Variants in RAD51B observed in about 807,000 individuals in gnomAD.
RAD51B encodes RAD51 paralog B.
RAD51B carries 38 observed loss-of-function variants against 42.2 expected under a neutral mutation model. That is an observed-to-expected ratio of 0.90 (90% CI 0.70 to 1.18). The LOEUF is 1.18. Ranked by LOEUF, RAD51B falls within the 50% of genes most tolerant of loss-of-function variation. The pLI is 0.00. For synonymous variants in RAD51B, 154 were observed against 145.2 expected, an observed-to-expected ratio of 1.06 and a Z score of -0.43; for missense variants, 373 against 400.7, an observed-to-expected ratio of 0.93 and a Z score of 0.59.
At chr14:68,133,598 A>AGTAGCTGG (rs1400304804) in intron 7 of RAD51B, among the ~76,000 whole-genome samples, 1 of 152,072 alleles carries the variant, frequency 6.6e-6, no homozygotes, top group African/African-American at 2.4e-5. Context: ...CGGCCTCCTG[A>AGTAGCTGG]GTAGCTGGGA....
At chr14:68,541,756 C>A in intron 10 of RAD51B, 1 of 985,376 alleles carries the variant, frequency 1.0e-6, no homozygotes, top group Non-Finnish European at 1.2e-6. Flanking sequence ...GTATTTAAAA[C>A]TTTTGTTTCA....
intron 8 of RAD51B, among the ~76,000 whole-genome samples, chr14:68,312,214 C>T (rs950251556): frequency 6.6e-6 from 1 of 152,138 alleles, no homozygotes; most frequent in African/African-American, 2.4e-5. Flanking sequence ...AAGATTGGCT[C>T]AGCCTGCACT....
chr14:68,334,948 A>C (rs74735328), intron 8 of RAD51B, among the ~76,000 whole-genome samples: 1 of 78,882 alleles, frequency 1.3e-5, no homozygotes, highest in African/African-American at 3.8e-5. Context: ...TATAAGTATT[A>C]TATATGTTTT....
intron 10 of RAD51B, among the ~76,000 whole-genome samples, chr14:68,601,615 T>G (rs1028720977): frequency 2.6e-5 from 4 of 152,164 alleles, no homozygotes; most frequent in Non-Finnish European, 5.9e-5. Flanking sequence ...GTTTCATTCT[T>G]CATTCAGATC....
chr14:68,414,859 T>TAAAAA (rs33968049), intron 9 of RAD51B, among the ~76,000 whole-genome samples: 2 of 71,222 alleles, frequency 2.8e-5, no homozygotes, highest in Non-Finnish European at 5.3e-5. Flanking sequence ...CCATCTCTAC[T>TAAAAA]AAAAAAAAAA....
intron 7 of RAD51B, among the ~76,000 whole-genome samples, chr14:68,235,138 C>T (rs949230169): frequency 5.3e-5 from 8 of 151,856 alleles, no homozygotes; most frequent in South Asian, 2.1e-4. Context: ...TATTATGTGC[C>T]GTACATTATT....
chr14:67,927,567 A>T lies in RAD51B; in HGVS notation c.756+40363A>T, dbSNP rs74246596. On this transcript the variant is annotated intron_variant, in intron 7 of 10. Transcript: ENST00000471583. Reference sequence around the variant, plus strand: ...TGAGATGAAGTTTTTTAGCTCCCACATGTGAATGAGAACGTGTGGTATTTG... The same window carrying T: ...TGAGATGAAGTTTTTTAGCTCCCACTTGTGAATGAGAACGTGTGGTATTTG... Among the ~76,000 whole-genome samples, 894 of 152,174 alleles carry T rather than the reference A, an allele frequency of 5.9e-3. 43 individuals carry two copies. The East Asian group carries it at 0.12, about 20-fold the overall frequency.
chr14:68,393,599 A>G (rs935871718), intron 8 of RAD51B, among the ~76,000 whole-genome samples: 1 of 152,190 alleles, frequency 6.6e-6, no homozygotes, highest in Admixed American at 6.5e-5. Context: ...CAGGGAAATA[A>G]AAGGCAAGGT....
intron 3 of RAD51B, among the ~76,000 whole-genome samples, chr14:67,833,112 A>C (rs1444325136): frequency 6.6e-6 from 1 of 152,200 alleles, no homozygotes; most frequent in South Asian, 2.1e-4. Context: ...GCAGTGGCTC[A>C]CACCTGTAAT....
intron 7 of RAD51B, among the ~76,000 whole-genome samples, chr14:68,036,982 A>G (rs1326165585): frequency 2.7e-5 from 4 of 150,130 alleles, no homozygotes; most frequent in Admixed American, 6.6e-5. Context: ...TTTAGTATCC[A>G]TAATTGCTGA....
intron 8 of RAD51B, among the ~76,000 whole-genome samples, chr14:68,365,423 A>G (rs2083121949): frequency 6.6e-6 from 1 of 152,262 alleles, no homozygotes; most frequent in African/African-American, 2.4e-5. Context: ...CAGAGCTTAC[A>G]TGCGTAAACA....
At position 68,078,203 on chromosome 14, in the gene RAD51B, G is replaced by A. The variant is rs1448991192; in HGVS notation, c.756+190999G>A. On this transcript the variant is annotated intron_variant, in intron 7 of 10. Coordinates refer to ENST00000471583, the MANE Select transcript of RAD51B (RefSeq NM_133510.4). ...AAATAAAAAAAAGTTTTTTAAGGGT[G>A]GGGCCTTGCTATGTTGTCCTGGCTG... Among the ~76,000 whole-genome samples, 4 of 152,070 alleles carry A rather than the reference G, an allele frequency of 2.6e-5. No individual in the cohort carries two copies. In the South Asian group the frequency reaches 6.2e-4, roughly 24 times the overall value.
chr14:68,054,755 G>A (rs190222561), intron 7 of RAD51B, among the ~76,000 whole-genome samples: 20 of 152,202 alleles, frequency 1.3e-4, no homozygotes, highest in South Asian at 2.1e-4. Flanking sequence ...TTAGTTTTTC[G>A]TTCTCTCTTC....
chr14:68,053,552 A>G (rs2076427581), intron 7 of RAD51B, among the ~76,000 whole-genome samples: 1 of 152,184 alleles, frequency 6.6e-6, no homozygotes, highest in Non-Finnish European at 1.5e-5. Flanking sequence ...TTAATGAGTG[A>G]CTTAATGATA....
At chr14:68,598,775 G>A (rs1891103369), downstream of RAD51B, among the ~76,000 whole-genome samples, 1 of 152,210 alleles carries the variant, frequency 6.6e-6, no homozygotes. Context: ...GGCAGTGTCA[G>A]GTTCCCCCTT....
chr14:67,922,084 T>C (rs2044345140), intron 7 of RAD51B, among the ~76,000 whole-genome samples: 1 of 152,234 alleles, frequency 6.6e-6, no homozygotes, highest in Non-Finnish European at 1.5e-5. Context: ...TGCCAGTGTG[T>C]CCTTCTTGCA....
At chr14:68,566,752 T>C (rs1889441039) in intron 10 of RAD51B, among the ~76,000 whole-genome samples, 1 of 152,150 alleles carries the variant, frequency 6.6e-6, no homozygotes, top group South Asian at 2.1e-4. Flanking sequence ...TTCTCAGCCC[T>C]AGAAGCTACA....
intron 7 of RAD51B, among the ~76,000 whole-genome samples, chr14:68,163,209 A>G (rs1794907828): frequency 6.6e-6 from 1 of 152,194 alleles, no homozygotes; most frequent in Non-Finnish European, 1.5e-5. Flanking sequence ...CAGCAAGTCA[A>G]ATTTATTGTT....
intron 7 of RAD51B, among the ~76,000 whole-genome samples, chr14:67,935,472 T>C (rs2044905615): frequency 6.6e-6 from 1 of 152,156 alleles, no homozygotes; most frequent in African/African-American, 2.4e-5. Context: ...TTGGGTGATT[T>C]TCCTGCCTCA....
Sources: gnomAD v4.1 joint callset for allele counts (sites outside exome capture counted in the v4.1 genomes callset) on GRCh38, gnomAD v4.1.1 for gene constraint, MANE v1.5 for transcripts, NCBI Gene and HGNC (gene_info 2026-07-23, HGNC 2026-07-21) for gene names.